Variants in PIEZO2 observed in about 807,000 individuals in gnomAD.
The protein encoded by PIEZO2 is piezo-type mechanosensitive ion channel component 2.
Under a neutral mutation model 337.3 loss-of-function variants are expected in PIEZO2, and 172 were observed. The observed-to-expected ratio is 0.51, with a 90% confidence interval of 0.45 to 0.58. The LOEUF is 0.58. Among genes scored for constraint, PIEZO2 ranks in the 20% least tolerant of loss-of-function variants. The pLI, the probability that PIEZO2 is intolerant of heterozygous loss-of-function variation, is 0.00. For missense variants in PIEZO2, 3,028 were observed against 3,391.3 expected (o/e 0.89, Z 2.66); for synonymous variants, 1,251 against 1,228.5 (o/e 1.02, Z -0.38).
chr18:10,677,591 C>T lies in PIEZO2; in HGVS notation c.8081+156G>A. 2 of 862,924 alleles carry T rather than the reference C, an allele frequency of 2.3e-6. No individual in the cohort carries two copies. Among genetic ancestry groups the T allele is most frequent in the Non-Finnish European group, 3.5e-6 (2 of 571,556 alleles). 53.5% of individuals were successfully genotyped at this position (862,924 alleles called of 1,614,324 possible). A position where few individuals can be genotyped will look rare whatever the true frequency, so the allele number is the denominator to read the frequency against. ...AAACTCCATAGCTGAGATTAAGTTT[C>T]TTTAATCTTGCAAAATGGGGCCTCC... On this transcript the variant is annotated intron_variant, in intron 53 of 55. Transcript: ENST00000674853. The surrounding 1 kb of genome is among the most constrained non-coding windows in gnomAD (Gnocchi z 4.1).
At chr18:10,908,746 A>G (rs562317713) in intron 4 of PIEZO2, 2 of 152,352 alleles carry the variant, frequency 1.3e-5, no homozygotes, top group South Asian at 2.1e-4. Context: ...GACCCATACT[A>G]TAAGTACTGA....
intron 2 of PIEZO2, among the ~76,000 whole-genome samples, chr18:11,034,110 C>G (rs1054507909): frequency 1.3e-5 from 2 of 152,064 alleles, no homozygotes; most frequent in South Asian, 2.1e-4. Context: ...TAGTGCTCGT[C>G]GTACCTGTCT....
chr18:11,064,066 T>C (rs1407331598), intron 2 of PIEZO2, among the ~76,000 whole-genome samples: 1 of 152,184 alleles, frequency 6.6e-6, no homozygotes, highest in Non-Finnish European at 1.5e-5. Context: ...AAATCTCATA[T>C]TGTTTTAAGA....
chr18:10,927,659 T>C lies in PIEZO2; in HGVS notation c.287-16431A>G, dbSNP rs73943072. Among the ~76,000 whole-genome samples, 351 of 151,952 alleles carry C rather than the reference T, an allele frequency of 2.3e-3. 1 individual carries two copies. Among genetic ancestry groups the C allele is most frequent in the African/African-American group, 7.6e-3 (313 of 41,402 alleles). ...GCAAATATCAGACTTTTAAAAAGTC[T>C]ATATATATATAGTGTTTTCAAATTT... On this transcript the variant is annotated intron_variant, in intron 3 of 55. Transcript: ENST00000674853.
chr18:10,768,357 G>C (rs2038454195), intron 21 of PIEZO2, among the ~76,000 whole-genome samples: 1 of 152,198 alleles, frequency 6.6e-6, no homozygotes. Flanking sequence ...GGTCTGAAGA[G>C]AAGTCTTTTG....
intron 13 of PIEZO2, among the ~76,000 whole-genome samples, chr18:10,791,904 C>G (rs1020550075): frequency 4.6e-5 from 7 of 152,142 alleles, no homozygotes; most frequent in African/African-American, 1.7e-4. Flanking sequence ...TAGGGGAACT[C>G]TATTGTTTAG....
intron 2 of PIEZO2, among the ~76,000 whole-genome samples, chr18:11,042,777 A>C (rs1429219843): frequency 6.6e-6 from 1 of 152,234 alleles, no homozygotes; most frequent in East Asian, 1.9e-4. Context: ...GAAATGCCAG[A>C]AATAAAATCC....
At chr18:10,902,670 A>T (rs2043079768) in intron 4 of PIEZO2, among the ~76,000 whole-genome samples, 1 of 152,196 alleles carries the variant, frequency 6.6e-6, no homozygotes, top group Non-Finnish European at 1.5e-5. Context: ...GAATAAATCC[A>T]AGCCAAAGAT....
chr18:10,890,733 C>T (rs2042731238), intron 4 of PIEZO2: 1 of 151,848 alleles, frequency 6.6e-6, no homozygotes, highest in Non-Finnish European at 1.5e-5. Flanking sequence ...AACTACGGCT[C>T]AAGATGAGAT....
At chr18:10,985,762 T>C (rs1418183278) in intron 2 of PIEZO2, among the ~76,000 whole-genome samples, 1 of 151,774 alleles carries the variant, frequency 6.6e-6, no homozygotes, top group Non-Finnish European at 1.5e-5. Flanking sequence ...AATCAAAGCA[T>C]ACCACTACAA....
intron 1 of PIEZO2, among the ~76,000 whole-genome samples, chr18:11,121,200 C>T (rs2040020975): frequency 6.6e-6 from 1 of 152,024 alleles, no homozygotes; most frequent in Non-Finnish European, 1.5e-5. Flanking sequence ...TGCAGTGAGC[C>T]AAGATCGGGC....
chr18:10,681,098 T>G (rs768542745), intron 51 of PIEZO2, among the ~76,000 whole-genome samples: 2 of 152,264 alleles, frequency 1.3e-5, no homozygotes, highest in Non-Finnish European at 2.9e-5. Flanking sequence ...TGTAATGAAT[T>G]TTTTAATTAC....
chr18:11,010,948 G>T (rs2035875792), intron 2 of PIEZO2, among the ~76,000 whole-genome samples: 2 of 152,188 alleles, frequency 1.3e-5, no homozygotes, highest in African/African-American at 4.8e-5. Flanking sequence ...TGTTAGATTA[G>T]TTTTTCAATG....
At chr18:10,681,626 G>A (rs577467881) in intron 51 of PIEZO2, 35 bp downstream of exon 51, 2 of 1,480,358 alleles carry the variant, frequency 1.4e-6, no homozygotes, top group East Asian at 2.3e-5. Flanking sequence ...TAGATGAGAG[G>A]TCTTCACAGA....
intron 3 of PIEZO2, among the ~76,000 whole-genome samples, chr18:10,941,988 G>T (rs2032751282): frequency 1.3e-5 from 2 of 152,174 alleles, no homozygotes; most frequent in African/African-American, 2.4e-5. Context: ...TTTTAAAGAT[G>T]GGAGTTTCTC....
intron 35 of PIEZO2, among the ~76,000 whole-genome samples, chr18:10,732,229 C>G (rs1213096878): frequency 6.6e-6 from 1 of 152,046 alleles, no homozygotes; most frequent in African/African-American, 2.4e-5. Flanking sequence ...CCAAATCATG[C>G]AGAAAGAACA....
chr18:10,750,020 T>C lies in PIEZO2; in HGVS notation c.4264+71A>G. 8.1e-7 allele frequency: 1 copy of C among 1,234,206 alleles called. No homozygotes were observed. Among genetic ancestry groups the C allele is most frequent in the Non-Finnish European group, 1.1e-6 (1 of 873,182 alleles). The allele number at this position is 1,234,206 out of a possible 1,614,324, so 76.5% of individuals were successfully genotyped here. On this transcript the variant is annotated intron_variant, in intron 29 of 55. Coordinates refer to ENST00000674853, the MANE Select transcript of PIEZO2 (RefSeq NM_001378183.1). This position sits in a 1 kb window ranked among gnomAD's most constrained non-coding sequence, Gnocchi z 4.1. ...TATCTTTATGTGCTTTGGCCCACTT[T>C]TAAAACTAGAACAATACAACTATCC...
chr18:10,768,502 C>G (rs1386756756), intron 21 of PIEZO2, among the ~76,000 whole-genome samples: 1 of 152,150 alleles, frequency 6.6e-6, no homozygotes. Context: ...GGTGACATCA[C>G]GCACAACACG....
rs2040874046 is a variant in PIEZO2, at chr18:11,148,717, G to C, written c.-129C>G. 1.1e-5 allele frequency: 11 copies of C among 992,486 alleles called. No individual in the cohort carries two copies. The highest frequency in any genetic ancestry group is 9.4e-5 in the South Asian group (6 of 63,754). 61.5% of individuals were successfully genotyped at this position (992,486 alleles called of 1,614,324 possible). A position where few individuals can be genotyped will look rare whatever the true frequency, so the allele number is the denominator to read the frequency against. On this transcript the variant is annotated 5_prime_UTR_variant, in exon 1 of 56. Coordinates refer to ENST00000674853, the MANE Select transcript of PIEZO2 (RefSeq NM_001378183.1). This position sits in a 1 kb window ranked among gnomAD's most constrained non-coding sequence, Gnocchi z 5.2. The stretch of plus-strand genomic sequence containing the variant: ...CTCGCAGCCACCCGAGCATCGCCTC[G>C]GCGCGGGCCGCGACGCTCTCCGCCC...
Sources: allele counts gnomAD v4.1 joint callset (sites outside exome capture counted in the v4.1 genomes callset), GRCh38; gene constraint gnomAD v4.1.1; non-coding constraint Gnocchi (gnomAD v3.1); transcripts MANE v1.5; gene names NCBI Gene and HGNC (gene_info 2026-07-23, HGNC 2026-07-21).